CFAP54: variants seen among roughly 807,000 people sequenced by gnomAD.
CFAP54 encodes the protein cilia- and flagella-associated protein 54.
A neutral mutation model predicts 370.4 loss-of-function variants in CFAP54; 290 were observed. The ratio of observed to expected loss-of-function variants is 0.78; its 90% confidence interval spans 0.71 to 0.86. The LOEUF is 0.86. CFAP54 is among the 40% of genes least tolerant of loss of function. The pLI is 0.00. For missense variants in CFAP54, 3,399 were observed against 3,528.7 expected (o/e 0.96, Z 0.93); for synonymous variants, 1,206 against 1,236.5 (o/e 0.98, Z 0.52).
At chr12:96,724,852 A>G (rs1177213023) in intron 50 of CFAP54, among the ~76,000 whole-genome samples, 6 of 152,164 alleles carry the variant, frequency 3.9e-5, no homozygotes, top group Admixed American at 1.3e-4. Flanking sequence ...TAATTTTTGT[A>G]TAAGGTGTAA....
intron 67 of CFAP54, among the ~76,000 whole-genome samples, chr12:96,874,406 A>G (rs771822230): frequency 9.2e-5 from 14 of 152,168 alleles, no homozygotes; most frequent in African/African-American, 1.4e-4. Flanking sequence ...ATAGAATGAG[A>G]GCTCCTGCTG....
chr12:96,643,302 G>C (rs1464744790), intron 32 of CFAP54, among the ~76,000 whole-genome samples: 1 of 152,062 alleles, frequency 6.6e-6, no homozygotes, highest in African/African-American at 2.4e-5. Context: ...TCAAAAGGAA[G>C]CTGCCCTCCT....
intron 50 of CFAP54, among the ~76,000 whole-genome samples, chr12:96,726,408 G>A (rs1957837066): frequency 6.6e-6 from 1 of 152,218 alleles, no homozygotes; most frequent in African/African-American, 2.4e-5. Context: ...TCTTGGGAGA[G>A]AGTATGTGTG....
chr12:96,639,730 C>T (rs1488278265), intron 32 of CFAP54, among the ~76,000 whole-genome samples: 1 of 152,122 alleles, frequency 6.6e-6, no homozygotes, highest in Non-Finnish European at 1.5e-5. Context: ...GCTTATCCAC[C>T]ATGATCAAGT....
At chr12:96,563,140 C>T (rs968263735) in intron 17 of CFAP54, among the ~76,000 whole-genome samples, 2 of 152,106 alleles carry the variant, frequency 1.3e-5, no homozygotes, top group African/African-American at 4.8e-5. Flanking sequence ...CCTAATACCT[C>T]GTTCTCTAAT....
chr12:96,514,734 T>C (rs1351835722), intron 5 of CFAP54, among the ~76,000 whole-genome samples: 1 of 152,246 alleles, frequency 6.6e-6, no homozygotes, highest in Non-Finnish European at 1.5e-5. Context: ...ATAACCTTTG[T>C]AAGACATTTC....
intron 60 of CFAP54, among the ~76,000 whole-genome samples, chr12:96,779,184 C>A (rs1401054010): frequency 6.6e-6 from 1 of 151,662 alleles, no homozygotes; most frequent in East Asian, 1.9e-4. Flanking sequence ...CCCATGTAAC[C>A]ACCACTAGGT....
chr12:96,510,862 C>G (rs1955157424), intron 4 of CFAP54, among the ~76,000 whole-genome samples: 1 of 151,574 alleles, frequency 6.6e-6, no homozygotes, highest in Admixed American at 6.6e-5. Context: ...ACTTGAGAGC[C>G]TGAGGCACGG....
At chr12:96,519,636 A>G (rs1374781821) in intron 6 of CFAP54, among the ~76,000 whole-genome samples, 1 of 152,194 alleles carries the variant, frequency 6.6e-6, no homozygotes, top group East Asian at 1.9e-4. Context: ...TTGGAATTTT[A>G]AAAATTAAGA....
intron 39 of CFAP54, among the ~76,000 whole-genome samples, chr12:96,677,957 T>G (rs920166393): frequency 6.6e-6 from 1 of 152,196 alleles, no homozygotes; most frequent in African/African-American, 2.4e-5. Flanking sequence ...TTTAGGCTCA[T>G]TCCCATCCTA....
intron 1 of CFAP54, among the ~76,000 whole-genome samples, chr12:96,499,628 T>C (rs959697693): frequency 6.6e-6 from 1 of 152,176 alleles, no homozygotes; most frequent in Admixed American, 6.5e-5. Context: ...CCCAAAGGAA[T>C]TGAAAACTTA....
intron 5 of CFAP54, among the ~76,000 whole-genome samples, chr12:96,516,389 G>A (rs969168596): frequency 8.6e-5 from 12 of 139,656 alleles, no homozygotes; most frequent in Admixed American, 4.2e-4. Flanking sequence ...ATTCTATTTT[G>A]GTTTACATAC....
At chr12:96,635,871 T>C (rs77841217) in intron 32 of CFAP54, among the ~76,000 whole-genome samples, 2,399 of 152,272 alleles carry the variant, frequency 0.016, 79 homozygotes, top group African/African-American at 0.056. Flanking sequence ...GCACAGGAGC[T>C]ACTGTCCCTG....
chr12:96,859,830 A>T (rs1003180865), intron 66 of CFAP54, among the ~76,000 whole-genome samples: 78 of 152,218 alleles, frequency 5.1e-4, no homozygotes, highest in Non-Finnish European at 9.4e-4. Context: ...CATTTTTTTA[A>T]AAAAAAGAAA....
chr12:96,631,452 G>A (rs1378525507), intron 32 of CFAP54, among the ~76,000 whole-genome samples: 1 of 148,952 alleles, frequency 6.7e-6, no homozygotes, highest in Non-Finnish European at 1.5e-5. Context: ...AATGCATGCT[G>A]TAATTTTTTT....
intron 60 of CFAP54, among the ~76,000 whole-genome samples, chr12:96,780,226 C>T (rs537427637): frequency 9.3e-4 from 141 of 152,170 alleles, no homozygotes; most frequent in African/African-American, 3.2e-3. Flanking sequence ...GGTTTGTATG[C>T]TTTTTGTGTT....
At chr12:96,573,023 A>G (rs1185760669) in intron 19 of CFAP54, 1 of 985,310 alleles carries the variant, frequency 1.0e-6, no homozygotes, top group Non-Finnish European at 1.2e-6. Context: ...TGGAGCCCAG[A>G]GAGGCTGGCT....
intron 26 of CFAP54, among the ~76,000 whole-genome samples, chr12:96,603,737 T>A (rs1045684504): frequency 6.6e-6 from 1 of 152,048 alleles, no homozygotes; most frequent in African/African-American, 2.4e-5. Context: ...TTTCTTCCAC[T>A]TGATCGAATC....
chr12:96,798,233 G>A (rs1016677570), intron 63 of CFAP54, among the ~76,000 whole-genome samples: 4 of 151,668 alleles, frequency 2.6e-5, no homozygotes, highest in Admixed American at 6.6e-5. Flanking sequence ...CATTTTAGAC[G>A]TTTCTTCTAG....
Sources: allele counts gnomAD v4.1 joint callset (sites outside exome capture counted in the v4.1 genomes callset), GRCh38; gene constraint gnomAD v4.1.1; transcripts MANE v1.5; gene names NCBI Gene and HGNC (gene_info 2026-07-23, HGNC 2026-07-21).